FGF13: variants seen among roughly 807,000 people sequenced by gnomAD.
The protein encoded by FGF13 is fibroblast growth factor 13.
Under a neutral mutation model 19.5 loss-of-function variants are expected in FGF13, and 2 were observed. The observed-to-expected ratio is 0.10, with a 90% CI of 0.04 to 0.32. The LOEUF (loss-of-function observed/expected upper bound fraction) is 0.32. Ranked by LOEUF, FGF13 falls within the 10% of genes least tolerant of loss-of-function variation. FGF13 has a pLI of 1.00. For synonymous variants in FGF13, 72 were observed against 76.9 expected (o/e 0.94, Z 0.33); for missense variants, 113 against 192.7 (o/e 0.59, Z 2.45).
chrX:138,633,371 A>G (rs2089143197), intron 4 of FGF13, among the ~76,000 whole-genome samples: 2 of 111,588 alleles, frequency 1.8e-5, no homozygotes, highest in Non-Finnish European at 3.8e-5. Flanking sequence ...GTTCAGATTA[A>G]GCAAAAATCT....
chrX:138,670,144 G>A (rs749040672), intron 3 of FGF13, among the ~76,000 whole-genome samples: 10 of 112,023 alleles, frequency 8.9e-5, no homozygotes, highest in Non-Finnish European at 1.7e-4. Flanking sequence ...AGTCCTATCC[G>A]TTAATAAGCC....
intron 1 of FGF13, among the ~76,000 whole-genome samples, chrX:139,022,682 C>G (rs2092182788): frequency 9.0e-6 from 1 of 110,980 alleles, no homozygotes; most frequent in Non-Finnish European, 1.9e-5. Context: ...GATAGCAACC[C>G]AAAGTTGCTA....
intron 1 of FGF13, among the ~76,000 whole-genome samples, chrX:138,737,316 C>T (rs960625772): frequency 8.9e-6 from 1 of 111,869 alleles, no homozygotes; most frequent in African/African-American, 3.2e-5. Context: ...TCTTGCGACT[C>T]GCCATTCTTT....
intron 3 of FGF13, among the ~76,000 whole-genome samples, chrX:138,676,599 T>G (rs2089669044): frequency 9.0e-6 from 1 of 111,209 alleles, no homozygotes; most frequent in Admixed American, 9.6e-5. Context: ...GGGAGAAAAT[T>G]TTTCCACGGA....
intron 3 of FGF13, among the ~76,000 whole-genome samples, chrX:138,799,149 C>T (rs1009167566): frequency 9.0e-6 from 1 of 111,174 alleles, no homozygotes; most frequent in African/African-American, 3.3e-5. Context: ...TAATTGTGAT[C>T]TTAGGGTGTC....
chrX:139,141,168 C>T (rs2083842762), intron 1 of FGF13, among the ~76,000 whole-genome samples: 1 of 109,800 alleles, frequency 9.1e-6, no homozygotes, highest in Non-Finnish European at 1.9e-5. Flanking sequence ...CACTCTTGGA[C>T]CTTTGCTGCT....
chrX:138,939,724 C>G (rs774509436), intron 1 of FGF13, among the ~76,000 whole-genome samples: 5 of 111,658 alleles, frequency 4.5e-5, no homozygotes, highest in Non-Finnish European at 9.4e-5. Context: ...CTAGCTTCAT[C>G]CATGTTGCTG....
At chrX:138,802,173 G>C (rs1339214788) in intron 3 of FGF13, among the ~76,000 whole-genome samples, 1 of 112,237 alleles carries the variant, frequency 8.9e-6, no homozygotes, top group African/African-American at 3.2e-5. Context: ...AACTACTGCA[G>C]CTAGCTCAGT....
intron 1 of FGF13, among the ~76,000 whole-genome samples, chrX:139,151,041 G>A (rs894186363): frequency 2.7e-5 from 3 of 110,176 alleles, no homozygotes; most frequent in Non-Finnish European, 3.8e-5. Context: ...GATAAGCCAC[G>A]CATTCTCAAA....
At chrX:139,009,914 C>G (rs1468183576) in intron 1 of FGF13, among the ~76,000 whole-genome samples, 1 of 111,486 alleles carries the variant, frequency 9.0e-6, no homozygotes, top group East Asian at 2.8e-4. Flanking sequence ...AGGAGACTCA[C>G]CTAACACGTA....
At chrX:139,020,890 C>T (rs1200283498) in intron 1 of FGF13, among the ~76,000 whole-genome samples, 1 of 110,176 alleles carries the variant, frequency 9.1e-6, no homozygotes, top group African/African-American at 3.3e-5. Flanking sequence ...TAAGCTATAA[C>T]GAAAGTTAAA....
chrX:138,905,811 T>C (rs1312615465), intron 1 of FGF13, among the ~76,000 whole-genome samples: 1 of 111,800 alleles, frequency 8.9e-6, no homozygotes, highest in East Asian at 2.8e-4. Flanking sequence ...TAATCCTTAT[T>C]CTTAAACCTT....
chrX:139,083,065 G>A (rs1387672651), intron 1 of FGF13, among the ~76,000 whole-genome samples: 1 of 110,539 alleles, frequency 9.0e-6, no homozygotes, highest in Non-Finnish European at 1.9e-5. Context: ...TATAGTGCTC[G>A]CTTTCTGTCT....
intron 1 of FGF13, among the ~76,000 whole-genome samples, chrX:139,133,515 G>A (rs1378607754): frequency 1.8e-5 from 2 of 110,694 alleles, no homozygotes; most frequent in East Asian, 5.7e-4. Context: ...CATAGCAAAG[G>A]AAGAAGAATG....
intron 1 of FGF13, among the ~76,000 whole-genome samples, chrX:138,975,194 A>G (rs1390710602): frequency 8.8e-6 from 1 of 113,088 alleles, no homozygotes; most frequent in Non-Finnish European, 1.9e-5. Flanking sequence ...GTATATAGAA[A>G]GCTTTCACAT....
chrX:139,150,893 C>T (rs17002008), intron 1 of FGF13, among the ~76,000 whole-genome samples: 10,999 of 110,718 alleles, frequency 0.099, 1,068 homozygotes, highest in African/African-American at 0.3. Context: ...CTTGTTTCAG[C>T]GGCCCACAAA....
intron 3 of FGF13, among the ~76,000 whole-genome samples, chrX:138,793,288 C>A (rs184148249): frequency 8.9e-6 from 1 of 111,967 alleles, no homozygotes; most frequent in Admixed American, 9.4e-5. Context: ...TAATTTGTTA[C>A]GGCAACCACA....
intron 2 of FGF13, among the ~76,000 whole-genome samples, chrX:138,858,978 T>A (rs776725953): frequency 8.9e-6 from 1 of 112,046 alleles, no homozygotes; most frequent in Non-Finnish European, 1.9e-5. Flanking sequence ...TGAGGGATTG[T>A]TGTCTTCCTT....
chrX:138,964,064 A>C (rs2091885570), intron 1 of FGF13, among the ~76,000 whole-genome samples: 1 of 112,031 alleles, frequency 8.9e-6, no homozygotes, highest in Admixed American at 9.5e-5. Context: ...GTATAAAGAG[A>C]CTTAAACATT....
Sources: gnomAD v4.1 joint callset for allele counts (sites outside exome capture counted in the v4.1 genomes callset) on GRCh38, gnomAD v4.1.1 for gene constraint, MANE v1.5 for transcripts, NCBI Gene and HGNC (gene_info 2026-07-23, HGNC 2026-07-21) for gene names.